Variants in DOCK3 observed in about 807,000 individuals in gnomAD.
DOCK3 encodes the protein dedicator of cytokinesis protein 3.
Under a neutral mutation model 265.6 loss-of-function variants are expected in DOCK3, and 60 were observed. The ratio of observed to expected loss-of-function variants is 0.23; its 90% CI spans 0.18 to 0.28. The LOEUF is 0.28. Among genes scored for constraint, DOCK3 ranks in the 10% least tolerant of loss-of-function variants. DOCK3 has a pLI of 1.00. For missense variants in DOCK3, 1,981 were observed against 2,594.3 expected (o/e 0.76, Z 5.14); for synonymous variants, 881 against 938.0 (o/e 0.94, Z 1.11).
At chr3:50,940,975 T>G (rs567955703) in intron 5 of DOCK3, among the ~76,000 whole-genome samples, 118 of 152,206 alleles carry the variant, frequency 7.8e-4, no homozygotes, top group African/African-American at 2.6e-3. Context: ...AACTAAAACT[T>G]TCGGAAGAAA....
intron 3 of DOCK3, among the ~76,000 whole-genome samples, chr3:50,862,304 A>G (rs1037366338): frequency 6.6e-6 from 1 of 152,238 alleles, no homozygotes; most frequent in Non-Finnish European, 1.5e-5. Flanking sequence ...TATATCGTTC[A>G]GGGCAGAGGA....
At chr3:50,925,216 T>C (rs182350828) in intron 4 of DOCK3, among the ~76,000 whole-genome samples, 17 of 152,312 alleles carry the variant, frequency 1.1e-4, no homozygotes, top group Admixed American at 9.2e-4. Context: ...GTGATGAAGC[T>C]GAAAGAGAAA....
At chr3:50,991,669 TAGAC>T (rs2078109543) in intron 5 of DOCK3, among the ~76,000 whole-genome samples, 1 of 152,096 alleles carries the variant, frequency 6.6e-6, no homozygotes, top group Non-Finnish European at 1.5e-5. Flanking sequence ...CTGACAGTAT[TAGAC>T]AGATCATTGA....
chr3:51,213,046 C>T (rs548355961), intron 13 of DOCK3, among the ~76,000 whole-genome samples: 34 of 152,238 alleles, frequency 2.2e-4, no homozygotes, highest in African/African-American at 7.9e-4. Context: ...TATCTGACTT[C>T]TCTCTTTATC....
chr3:50,735,221 T>C (rs1179227571), intron 1 of DOCK3, among the ~76,000 whole-genome samples: 2 of 152,246 alleles, frequency 1.3e-5, no homozygotes, highest in Non-Finnish European at 2.9e-5. Flanking sequence ...AGTGCTCTCA[T>C]GTTGCTTTCA....
intron 1 of DOCK3, among the ~76,000 whole-genome samples, chr3:50,768,195 GT>G (rs1309942288): frequency 6.6e-6 from 1 of 152,156 alleles, no homozygotes; most frequent in East Asian, 1.9e-4. Flanking sequence ...TCCTATGCCA[GT>G]TTTCAAAGGG....
intron 7 of DOCK3, among the ~76,000 whole-genome samples, chr3:51,088,218 G>A (rs1004091316): frequency 5.9e-5 from 9 of 152,128 alleles, no homozygotes; most frequent in African/African-American, 2.2e-4. Context: ...AAAAAAATGT[G>A]CATCTCTTGG....
At chr3:50,892,808 C>A (rs2107747689) in intron 4 of DOCK3, among the ~76,000 whole-genome samples, 1 of 152,114 alleles carries the variant, frequency 6.6e-6, no homozygotes, top group South Asian at 2.1e-4. Flanking sequence ...TTCAATGCAT[C>A]ACTCTAGAAA....
chr3:50,987,178 C>T (rs146059107), intron 5 of DOCK3, among the ~76,000 whole-genome samples: 3 of 152,042 alleles, frequency 2.0e-5, no homozygotes, highest in African/African-American at 7.2e-5. Flanking sequence ...TTTTTTTTGC[C>T]ATGGAATACA....
chr3:51,075,270 GTGGCAGGTA>G, intron 6 of DOCK3, 77 bp from the exon 7 acceptor site: 1 of 1,060,696 alleles, frequency 9.4e-7, no homozygotes, highest in Non-Finnish European at 1.4e-6. Flanking sequence ...TCCACAAGAT[GTGGCAGGTA>G]TGGGTTCCCA....
chr3:51,179,102 A>C (rs2087134576), intron 12 of DOCK3, among the ~76,000 whole-genome samples: 1 of 152,208 alleles, frequency 6.6e-6, no homozygotes, highest in South Asian at 2.1e-4. Context: ...ATTCCATCTC[A>C]CCAGGCCATA....
intron 9 of DOCK3, among the ~76,000 whole-genome samples, chr3:51,135,344 C>T (rs1487924820): frequency 1.3e-5 from 2 of 152,176 alleles, no homozygotes; most frequent in Non-Finnish European, 2.9e-5. Context: ...CTCTGGAGTT[C>T]TTTCTATGTT....
intron 3 of DOCK3, among the ~76,000 whole-genome samples, chr3:50,846,254 T>C (rs1387219538): frequency 6.6e-6 from 1 of 152,114 alleles, no homozygotes; most frequent in Admixed American, 6.6e-5. Flanking sequence ...TCAGGTACTG[T>C]GGAGTAGAAT....
At chr3:51,056,909 T>G (rs915852700) in intron 5 of DOCK3, among the ~76,000 whole-genome samples, 2 of 152,224 alleles carry the variant, frequency 1.3e-5, no homozygotes, top group African/African-American at 4.8e-5. Context: ...GATTTTGATG[T>G]AAAGTTTTTA....
chr3:51,204,730 G>A (rs1317773593), intron 12 of DOCK3, among the ~76,000 whole-genome samples: 20 of 150,592 alleles, frequency 1.3e-4, no homozygotes, highest in Admixed American at 2.7e-4. Flanking sequence ...TGTTTATTGC[G>A]GCACTATTCA....
chr3:50,703,839 A>T (rs112500611), intron 1 of DOCK3, among the ~76,000 whole-genome samples: 1 of 151,324 alleles, frequency 6.6e-6, no homozygotes, highest in South Asian at 2.1e-4. Context: ...TTCATCTGTA[A>T]TTTTTTTATT....
intron 2 of DOCK3, chr3:50,787,962 C>T: frequency 1.1e-6 from 1 of 898,800 alleles, no homozygotes; most frequent in Non-Finnish European, 1.8e-6. Flanking sequence ...TCTTCCTCTT[C>T]TTCCTCCTCC....
intron 14 of DOCK3, among the ~76,000 whole-genome samples, chr3:51,221,721 G>A (rs771977336): frequency 6.6e-6 from 1 of 152,150 alleles, no homozygotes; most frequent in African/African-American, 2.4e-5. Flanking sequence ...TCAATGTAAG[G>A]CATTACTGAT....
intron 5 of DOCK3, among the ~76,000 whole-genome samples, chr3:50,938,048 A>G (rs2051490779): frequency 6.6e-6 from 1 of 152,122 alleles, no homozygotes; most frequent in Non-Finnish European, 1.5e-5. Flanking sequence ...AATATATACT[A>G]TGCAAACATT....
Sources: gnomAD v4.1 joint callset for allele counts (sites outside exome capture counted in the v4.1 genomes callset) on GRCh38, gnomAD v4.1.1 for gene constraint, MANE v1.5 for transcripts, NCBI Gene and HGNC (gene_info 2026-07-23, HGNC 2026-07-21) for gene names.